Variants in DMD observed in about 807,000 individuals in gnomAD.
DMD encodes mutant dystrophin.
Under a neutral mutation model 330.1 loss-of-function variants are expected in DMD, and 63 were observed. The ratio of observed to expected loss-of-function variants is 0.19; its 90% CI spans 0.16 to 0.24. The LOEUF is 0.24. DMD is among the 10% of genes least tolerant of loss of function. The probability of loss-of-function intolerance (pLI) is 1.00; values close to 1 mark genes in which losing one functional copy is unlikely to be tolerated. For synonymous variants in DMD, 1,223 were observed against 959.8 expected (o/e 1.27, Z -5.07); for missense variants, 3,344 against 2,684.1 (o/e 1.25, Z -5.43).
At chrX:32,278,422 A>C (rs752253399) in intron 43 of DMD, among the ~76,000 whole-genome samples, 2 of 111,318 alleles carry the variant, frequency 1.8e-5, no homozygotes, top group East Asian at 5.7e-4. Context: ...TTGATGCAAA[A>C]TTGATGCAGA....
chrX:32,277,431 AAGT>A (rs75500365), intron 43 of DMD, among the ~76,000 whole-genome samples: 16,596 of 110,983 alleles, frequency 0.15, 992 homozygotes, highest in Admixed American at 0.16. Flanking sequence ...AGCTCAACCA[AAGT>A]AGTAACATTG....
At chrX:32,912,827 T>G (rs770657505) in intron 2 of DMD, among the ~76,000 whole-genome samples, 3 of 111,608 alleles carry the variant, frequency 2.7e-5, no homozygotes, top group African/African-American at 9.8e-5. Flanking sequence ...GATGGGTACA[T>G]AGATGGCTTC....
At chrX:32,304,960 T>A (rs1427012685) in intron 42 of DMD, among the ~76,000 whole-genome samples, 1 of 111,847 alleles carries the variant, frequency 8.9e-6, no homozygotes, top group Non-Finnish European at 1.9e-5. Context: ...GCTTTGAAAT[T>A]TTATATGATC....
intron 44 of DMD, among the ~76,000 whole-genome samples, chrX:32,061,593 T>C (rs193014030): frequency 2.1e-3 from 236 of 111,679 alleles, no homozygotes; most frequent in African/African-American, 6.9e-3. Context: ...TATTTGAAAT[T>C]AGAAGGCGAT....
intron 47 of DMD, among the ~76,000 whole-genome samples, chrX:31,900,556 G>A (rs751741843): frequency 1.8e-5 from 2 of 111,272 alleles, no homozygotes; most frequent in Admixed American, 9.6e-5. Context: ...GCCCAGTCTC[G>A]GGTATGTCTT....
intron 2 of DMD, among the ~76,000 whole-genome samples, chrX:32,872,884 C>G (rs60079598): frequency 0.34 from 37,389 of 110,295 alleles, 4,810 homozygotes; most frequent in South Asian, 0.45. Flanking sequence ...CAGAAGACAT[C>G]AAGGAGGGCA....
At chrX:32,779,134 G>T (rs1442297294) in intron 7 of DMD, among the ~76,000 whole-genome samples, 2 of 111,066 alleles carry the variant, frequency 1.8e-5, no homozygotes, top group African/African-American at 6.6e-5. Flanking sequence ...TAAGCTAATT[G>T]TTCATGTATG....
intron 4 of DMD, among the ~76,000 whole-genome samples, chrX:32,826,140 A>G (rs1024715224): frequency 2.7e-5 from 3 of 111,964 alleles, no homozygotes; most frequent in African/African-American, 9.7e-5. Context: ...TAAAACTACA[A>G]TGAAATATTA....
intron 42 of DMD, among the ~76,000 whole-genome samples, chrX:32,294,497 C>G (rs1048052524): frequency 4.5e-5 from 5 of 111,854 alleles, no homozygotes; most frequent in African/African-American, 1.6e-4. Context: ...TAATCTGAGT[C>G]TCTGGGGAGC....
chrX:31,627,865 G>A lies in DMD; in HGVS notation c.8028-3C>T, dbSNP rs1603430208. On this transcript the variant is annotated splice_region_variant and splice_polypyrimidine_tract_variant and intron_variant, in intron 54 of 78. Coordinates refer to ENST00000357033, the MANE Select transcript of DMD (RefSeq NM_004006.3). ...AAGCAGCCTCTCGCTCACTCACCCT[G>A]CAAAGGACCAAATGTTCAGATGCAA... 8.3e-7 allele frequency: 1 copy of A among 1,203,379 alleles called. No individual in the cohort carries two copies. Among genetic ancestry groups the A allele is most frequent in the Non-Finnish European group, 1.1e-6 (1 of 890,133 alleles).
chrX:31,906,961 A>T (rs34263476), intron 47 of DMD, among the ~76,000 whole-genome samples: 2,393 of 112,443 alleles, frequency 0.021, 25 homozygotes, highest in Non-Finnish European at 0.035. Context: ...ACCAGAATGT[A>T]AGACACACAG....
intron 7 of DMD, among the ~76,000 whole-genome samples, chrX:32,806,319 A>T (rs1327836887): frequency 9.0e-6 from 1 of 110,659 alleles, no homozygotes; most frequent in Admixed American, 9.5e-5. Context: ...CTTTAAACTA[A>T]CAAAGATTTA....
intron 43 of DMD, among the ~76,000 whole-genome samples, chrX:32,270,782 T>C (rs764697033): frequency 9.0e-6 from 1 of 111,432 alleles, no homozygotes; most frequent in Non-Finnish European, 1.9e-5. Flanking sequence ...ATCAGACATG[T>C]TTGGTCAACC....
At chrX:32,411,520 T>A (rs1215661148) in intron 30 of DMD, among the ~76,000 whole-genome samples, 1 of 111,781 alleles carries the variant, frequency 8.9e-6, no homozygotes, top group East Asian at 2.8e-4. Flanking sequence ...GTATTGCTCC[T>A]GTCTTTGAAA....
chrX:32,088,917 A>G (rs898000873), intron 44 of DMD, among the ~76,000 whole-genome samples: 1 of 111,681 alleles, frequency 9.0e-6, no homozygotes, highest in Non-Finnish European at 1.9e-5. Context: ...TGATTGCCAC[A>G]TGTATGTAAA....
chrX:31,445,933 T>C (rs1421604393), intron 59 of DMD, among the ~76,000 whole-genome samples: 1 of 112,294 alleles, frequency 8.9e-6, no homozygotes, highest in Non-Finnish European at 1.9e-5. Context: ...TTGTGTAATG[T>C]AATGTCTGTG....
intron 60 of DMD, among the ~76,000 whole-genome samples, chrX:31,384,195 C>T (rs1447314915): frequency 9.0e-6 from 1 of 111,658 alleles, no homozygotes; most frequent in Non-Finnish European, 1.9e-5. Flanking sequence ...GCTTCCTCTC[C>T]CATGAGGGGT....
At chrX:32,910,481 T>G (rs957213520) in intron 2 of DMD, among the ~76,000 whole-genome samples, 14 of 110,625 alleles carry the variant, frequency 1.3e-4, no homozygotes, top group African/African-American at 4.6e-4. Flanking sequence ...CGGGCTGGAG[T>G]GCAATGGTGT....
chrX:32,675,843 C>T (rs906704630), intron 9 of DMD, among the ~76,000 whole-genome samples: 4 of 111,873 alleles, frequency 3.6e-5, no homozygotes, highest in African/African-American at 9.7e-5. Context: ...AAAGTGTTTA[C>T]AGCAATGTTT....
Sources: allele counts gnomAD v4.1 joint callset (sites outside exome capture counted in the v4.1 genomes callset), GRCh38; gene constraint gnomAD v4.1.1; transcripts MANE v1.5; gene names NCBI Gene and HGNC (gene_info 2026-07-23, HGNC 2026-07-21).